The following EXOC4 variants were observed in gnomAD, a reference collection of about 807,000 sequenced individuals.
The protein encoded by EXOC4 is exocyst complex component 4.
Under a neutral mutation model 107.2 loss-of-function variants are expected in EXOC4, and 71 were observed. The observed-to-expected ratio is 0.66, with a 90% CI of 0.55 to 0.81. The LOEUF (loss-of-function observed/expected upper bound fraction) is 0.81. Ranked by LOEUF, EXOC4 falls within the 30% of genes least tolerant of loss-of-function variation. EXOC4 has a pLI of 0.00. For synonymous variants in EXOC4, 456 were observed against 441.2 expected (o/e 1.03, Z -0.42); for missense variants, 1,108 against 1,189.6 (o/e 0.93, Z 1.01).
At chr7:133,376,148 A>G (rs1226735796) in intron 7 of EXOC4, among the ~76,000 whole-genome samples, 1 of 152,028 alleles carries the variant, frequency 6.6e-6, no homozygotes, top group Non-Finnish European at 1.5e-5. Context: ...GATTGAATGG[A>G]TTGATTCCTG....
At chr7:133,355,466 T>G (rs974109786) in intron 5 of EXOC4, among the ~76,000 whole-genome samples, 3 of 152,148 alleles carry the variant, frequency 2.0e-5, no homozygotes, top group Non-Finnish European at 2.9e-5. Context: ...GTTTTGCATA[T>G]GTATATTCAT....
chr7:133,600,567 C>T (rs536682535), intron 9 of EXOC4, among the ~76,000 whole-genome samples: 1 of 152,192 alleles, frequency 6.6e-6, no homozygotes, highest in African/African-American at 2.4e-5. Flanking sequence ...TCCAGAACGC[C>T]AAATAATTAG....
chr7:133,872,662 A>G (rs1044145564), intron 11 of EXOC4, among the ~76,000 whole-genome samples: 5 of 152,234 alleles, frequency 3.3e-5, no homozygotes, highest in East Asian at 3.8e-4. Context: ...TGCTCTGTCT[A>G]TATTTTGCGG....
At chr7:133,339,759 T>C (rs1183394354) in intron 5 of EXOC4, among the ~76,000 whole-genome samples, 1 of 152,202 alleles carries the variant, frequency 6.6e-6, no homozygotes, top group East Asian at 1.9e-4. Flanking sequence ...CATTTTATTT[T>C]ATTTTTGCAG....
At position 133,649,472 on chromosome 7, in the gene EXOC4, T is replaced by TC. The variant is rs1554376455; in HGVS notation, c.1514+19331_1514+19332insC. ...GTGAAGCATTACTACTTTTTCTTTT[T>TC]TTTTTTTTTTTTTAACCAGTAAAGA... On this transcript the variant is annotated intron_variant, in intron 10 of 17. Coordinates refer to ENST00000253861, the MANE Select transcript of EXOC4 (RefSeq NM_021807.4). Among the ~76,000 whole-genome samples, 269 of 113,160 alleles carry TC rather than the reference T, an allele frequency of 2.4e-3. 2 individuals carry two copies. Among genetic ancestry groups the TC allele is most frequent in the African/African-American group, 7.5e-3 (246 of 32,780 alleles). The allele number at this position is 113,160 out of a possible 152,430, so 74.2% of individuals were successfully genotyped here. A position where few individuals can be genotyped will look rare whatever the true frequency, so the allele number is the denominator to read the frequency against.
intron 7 of EXOC4, among the ~76,000 whole-genome samples, chr7:133,422,165 A>C (rs565831271): frequency 6.6e-6 from 1 of 152,292 alleles, no homozygotes; most frequent in South Asian, 2.1e-4. Flanking sequence ...ACGCCTCTGA[A>C]CATTGCAAGT....
At chr7:133,912,739 A>G (rs912860375) in intron 12 of EXOC4, among the ~76,000 whole-genome samples, 2 of 152,200 alleles carry the variant, frequency 1.3e-5, no homozygotes, top group African/African-American at 4.8e-5. Flanking sequence ...ATCATCCAAT[A>G]TGGGATTCCA....
rs1562998002 is a variant in EXOC4, at chr7:133,275,162, A to G, written c.267A>G (p.Lys89=). The G allele has an allele frequency of 6.3e-7, 1 of 1,595,974 alleles. No individual in the cohort carries two copies. The highest frequency in any genetic ancestry group is 1.3e-5 in the African/African-American group (1 of 74,568). The change falls in exon 2 of 18, where the codon AAA becomes AAG. Residue 89 remains lysine (K), a synonymous_variant. Transcript: ENST00000253861. ...AGCGCATCACTAACTCCCGAAATAA[A>G]ATAAAGCAGGTATTCCTCCTTTCTG... ...ITERITNSRN[K]IKQVKENLLS... is the part of the protein sequence containing the mutation.
chr7:133,491,350 G>C (rs1224649581), intron 9 of EXOC4, among the ~76,000 whole-genome samples: 1 of 152,158 alleles, frequency 6.6e-6, no homozygotes, highest in Non-Finnish European at 1.5e-5. Context: ...ATTAATGTCT[G>C]ATTTCAGCAC....
At position 133,433,206 on chromosome 7, in the gene EXOC4, T is replaced by G. The variant is rs2059375; in HGVS notation, c.1183-42122T>G. ...AGCCTGAATGGAAGGATGTGGTAGGTTGGATTATTGTTCAGCAAATATTCA... is the reference window on the plus strand; with the variant it reads ...AGCCTGAATGGAAGGATGTGGTAGGGTGGATTATTGTTCAGCAAATATTCA... On this transcript the variant is annotated intron_variant, in intron 7 of 17. Transcript: ENST00000253861. Among the ~76,000 whole-genome samples the G allele has an allele frequency of 8.9e-4, 135 of 152,120 alleles. 3 individuals are homozygous for G. In the East Asian group the frequency reaches 0.022, roughly 25 times the overall value.
chr7:133,373,916 T>G (rs1796430952), intron 6 of EXOC4, among the ~76,000 whole-genome samples: 1 of 152,198 alleles, frequency 6.6e-6, no homozygotes, highest in Non-Finnish European at 1.5e-5. Flanking sequence ...GAAATATGAC[T>G]GACATTTATT....
At position 133,423,225 on chromosome 7, in the gene EXOC4, C is replaced by CAAAAAAAAAAAA. The variant is rs1797642571; in HGVS notation, c.1182+48223_1182+48224insAAAAAAAAAAAA. ...TGGGCGACAGAGCGAGACTCCGTCT[C>CAAAAAAAAAAAA]CAAAAAAAAAAAAAAAAAAAAAAAA... On this transcript the variant is annotated intron_variant, in intron 7 of 17. Coordinates refer to ENST00000253861, the MANE Select transcript of EXOC4 (RefSeq NM_021807.4). Among the ~76,000 whole-genome samples, 2 of 12,158 alleles carry CAAAAAAAAAAAA rather than the reference C, an allele frequency of 1.6e-4. 1 individual carries two copies. Among genetic ancestry groups the CAAAAAAAAAAAA allele is most frequent in the African/African-American group, 1.6e-3 (2 of 1,282 alleles). 8.0% of individuals were successfully genotyped at this position (12,158 alleles called of 152,430 possible). A position where few individuals can be genotyped will look rare whatever the true frequency, so the allele number is the denominator to read the frequency against.
the EXOC4 span, among the ~76,000 whole-genome samples, chr7:134,095,011 C>G: frequency 2.6e-5 from 4 of 152,140 alleles, no homozygotes; most frequent in African/African-American, 7.2e-5. Context: ...AAAAGTCAAA[C>G]TATCTCTCTT....
At chr7:133,574,157 TAAG>T (rs963325052) in intron 9 of EXOC4, among the ~76,000 whole-genome samples, 2 of 152,184 alleles carry the variant, frequency 1.3e-5, no homozygotes, top group South Asian at 2.1e-4. Flanking sequence ...GTAATATATA[TAAG>T]AAGTAGCTCT....
intron 14 of EXOC4, 139 bp from the exon 15 acceptor site, chr7:133,997,353 A>G (rs1794418085): frequency 3.9e-6 from 3 of 777,300 alleles, no homozygotes; most frequent in African/African-American, 1.7e-5. Flanking sequence ...ATTGTCTATC[A>G]TGTCTTGGAC....
chr7:133,659,085 G>T (rs1166688461), intron 10 of EXOC4, among the ~76,000 whole-genome samples: 1 of 135,926 alleles, frequency 7.4e-6, no homozygotes, highest in East Asian at 2.4e-4. Context: ...AGTAGCTGTG[G>T]TATCTCCTCT....
At chr7:133,671,900 A>G (rs112660430) in intron 10 of EXOC4, among the ~76,000 whole-genome samples, 289 of 152,338 alleles carry the variant, frequency 1.9e-3, no homozygotes, top group African/African-American at 6.6e-3. Context: ...GGTTTGGGAC[A>G]TGCTAAATTT....
At chr7:134,073,205 C>CAAAAAAAAAAAAAAAAAAAAAAAAAAAA in the EXOC4 span, among the ~76,000 whole-genome samples, 1 of 22,588 alleles carries the variant, frequency 4.4e-5, no homozygotes, top group Non-Finnish European at 7.2e-5. Flanking sequence ...GACTTCCTCT[C>CAAAAAAAAAAAAAAAAAAAAAAAAAAAA]AAAAAAAAAA....
intron 11 of EXOC4, among the ~76,000 whole-genome samples, chr7:133,869,713 G>A (rs1798712877): frequency 6.6e-6 from 1 of 152,168 alleles, no homozygotes; most frequent in Non-Finnish European, 1.5e-5. Flanking sequence ...CATGTGGCAG[G>A]AAGTTCTTAT....
Sources: allele counts gnomAD v4.1 joint callset (sites outside exome capture counted in the v4.1 genomes callset), GRCh38; gene constraint gnomAD v4.1.1; transcripts MANE v1.5; gene names NCBI Gene and HGNC (gene_info 2026-07-23, HGNC 2026-07-21).